The following DDX39B variants were observed in gnomAD, a reference collection of about 807,000 sequenced individuals.
DDX39B encodes the protein DExD-box helicase 39B, also known as spliceosome RNA helicase DDX39B.
Under a neutral mutation model 46.4 loss-of-function variants are expected in DDX39B, and 6 were observed. That is an observed-to-expected ratio of 0.13 (90% CI 0.07 to 0.26). DDX39B has a LOEUF of 0.26. Ranked by LOEUF, DDX39B falls within the 10% of genes least tolerant of loss-of-function variation. The pLI, the probability that DDX39B is intolerant of heterozygous loss-of-function variation, is 1.00. For synonymous variants in DDX39B, 174 were observed against 199.4 expected, an observed-to-expected ratio of 0.87 and a Z score of 1.07; for missense variants, 185 against 553.4, an observed-to-expected ratio of 0.33 and a Z score of 6.68.
chr6:31,539,283 T>TG lies in DDX39B; in HGVS notation c.212-10dup, dbSNP rs746273190. The TG allele has an allele frequency of 1.2e-4, 199 of 1,606,410 alleles. No individual in the cohort carries two copies. Among genetic ancestry groups the TG allele is most frequent in the South Asian group, 3.7e-4 (34 of 90,924 alleles). On this transcript the variant is annotated splice_polypyrimidine_tract_variant and intron_variant, in intron 2 of 10. Transcript: ENST00000396172. ...GATGCACTCATGCTGGACTAAAAGT[T>TG]GGGGGGGGAGGAAGATAAATTAGAC...
rs1177288621 is a variant in DDX39B, at chr6:31,530,879, A to G, written c.1170T>C (p.Phe390=). The G allele has an allele frequency of 6.2e-7, 1 of 1,614,174 alleles. No homozygotes were observed. The highest frequency in any genetic ancestry group is 1.1e-5 in the South Asian group (1 of 91,084). ...TCTTGGCATCATTCTCATCGGACAC[A>G]AATGTGATAGCCAAGCCCTTGGTGC... ...RFGTKGLAIT[F]VSDENDAKIL... is the part of the protein sequence containing the mutation. The change falls in exon 10 of 11, where the codon TTT becomes TTC. Residue 390 remains phenylalanine (F), a synonymous_variant. Coordinates refer to ENST00000396172, the MANE Select transcript of DDX39B (RefSeq NM_004640.7). The surrounding 1 kb of genome is among the most constrained non-coding windows in gnomAD (Gnocchi z 4.5).
rs1768292140 is a variant in DDX39B at position 31,540,552 on chromosome 6, G to A, written c.-20C>T. 3.1e-6 allele frequency: 5 copies of A among 1,613,126 alleles called. No homozygotes were observed. The highest frequency in any genetic ancestry group is 4.2e-6 in the Non-Finnish European group (5 of 1,179,544). ...TGCCATAACTGGGCCGGCAGGGGAAGAAGGGAAGGGGGATCTGGATGGGTT... is the reference window on the plus strand; with the variant it reads ...TGCCATAACTGGGCCGGCAGGGGAAAAAGGGAAGGGGGATCTGGATGGGTT... On this transcript the variant is annotated 5_prime_UTR_variant, in exon 2 of 11. Transcript: ENST00000396172.
Position 31,531,351 on chromosome 6 carries a change from C to G in DDX39B, c.922G>C (p.Val308Leu). The G allele has an allele frequency of 1.2e-6, 2 of 1,614,114 alleles. No homozygotes were observed. The highest frequency in any genetic ancestry group is 1.7e-6 in the Non-Finnish European group (2 of 1,180,004). ...GCAATGGCTGGGAAGTTCTGCTCCA[C>G]TAGTAGCTGGGCCAAGGCAATGCAC... The part of the protein sequence containing the change: ...QRCIALAQLL[V>L]EQNFPAIAIH... The change falls in exon 8 of 11, where the codon GTG becomes CTG. Residue 308 changes from valine to leucine, a missense_variant. Val to Leu is a conservative substitution (Grantham distance 32). Transcript: ENST00000396172. The surrounding 1 kb of genome is among the most constrained non-coding windows in gnomAD (Gnocchi z 5.8).
At position 31,535,921 on chromosome 6, in the gene DDX39B, T is replaced by C. The variant is rs929138; in HGVS notation, c.617-436A>G. Reference sequence around the variant, plus strand: ...CATCCCTACCTGGAGCCCACCTTTATAGCTCACCATATAGAATTGCCAAAG... The same window carrying C: ...CATCCCTACCTGGAGCCCACCTTTACAGCTCACCATATAGAATTGCCAAAG... On this transcript the variant is annotated intron_variant, in intron 5 of 10. Transcript: ENST00000396172. This position sits in a 1 kb window ranked among gnomAD's most constrained non-coding sequence, Gnocchi z 4.6. 0.22 allele frequency among the ~76,000 whole-genome samples: 32,773 copies of C among 152,198 alleles called. 3,868 individuals are homozygous for C. Among genetic ancestry groups the C allele is most frequent in the Admixed American group, 0.31 (4,711 of 15,272 alleles).
Position 31,536,573 on chromosome 6 carries a change from T to C in DDX39B, c.543A>G (p.Arg181=), listed in dbSNP as rs776938788. 10 of 1,613,100 alleles carry C rather than the reference T, an allele frequency of 6.2e-6. No individual in the cohort carries two copies. The highest frequency in any genetic ancestry group is 8.5e-6 in the Non-Finnish European group (10 of 1,180,028). Residue 181 remains arginine, a synonymous_variant, in exon 5 of 11, where the codon CGA becomes CGG. Coordinates refer to ENST00000396172, the MANE Select transcript of DDX39B (RefSeq NM_004640.7). ...GTPGRILALA[R]NKSLNLKHIK... The stretch of plus-strand genomic sequence containing the variant: ...TGTGTTTGAGGTTGAGGCTCTTATT[T>C]CGAGCCAGGGCTAGGATACGGCCTG...
Position 31,532,766 on chromosome 6 carries a change from G to A in DDX39B, c.867+14C>T, listed in dbSNP as rs755612989. Reference sequence around the variant, plus strand: ...TGCTCCAATGCTCATCCCCCTACTGGACGTCTAACTGACCTGGTTGAACTC... The same window carrying A: ...TGCTCCAATGCTCATCCCCCTACTGAACGTCTAACTGACCTGGTTGAACTC... On this transcript the variant is annotated intron_variant, in intron 7 of 10. Coordinates refer to ENST00000396172, the MANE Select transcript of DDX39B (RefSeq NM_004640.7). 3 of 1,609,960 alleles carry A rather than the reference G, an allele frequency of 1.9e-6. No homozygotes were observed. The highest frequency in any genetic ancestry group is 2.2e-5 in the South Asian group (2 of 90,948).
At chr6:31,532,738 G>A in intron 7 of DDX39B, 42 bp downstream of exon 7, 1 of 1,602,130 alleles carries the variant, frequency 6.2e-7, no homozygotes, top group Admixed American at 1.7e-5. Flanking sequence ...GCTACAGCTG[G>A]AGTGCTCCAA....
rs1388015834 is a variant in DDX39B, at chr6:31,539,284, G to C, written c.212-10C>G. ...ATGCACTCATGCTGGACTAAAAGTT[G>C]GGGGGGGAGGAAGATAAATTAGACT... On this transcript the variant is annotated splice_polypyrimidine_tract_variant and intron_variant, in intron 2 of 10. Transcript: ENST00000396172. 1.2e-6 allele frequency: 2 copies of C among 1,604,956 alleles called. No individual in the cohort carries two copies. Among genetic ancestry groups the C allele is most frequent in the Non-Finnish European group, 1.7e-6 (2 of 1,174,052 alleles).
At chr6:31,541,594 G>A (rs1768460408) in intron 1 of DDX39B, 4 of 471,624 alleles carry the variant, frequency 8.5e-6, no homozygotes, top group African/African-American at 4.0e-5. Flanking sequence ...GCTCAAGAAA[G>A]GACAAGGAAG....
At position 31,530,373 on chromosome 6, in the gene DDX39B, C is replaced by T; in HGVS notation, c.*61G>A. ...GGTGGGGGCAGTAGTGTCTCCTTCA[C>T]CCCCACCCTGGTGTCCTCTCCTGAA... On this transcript the variant is annotated 3_prime_UTR_variant, in exon 11 of 11. Transcript: ENST00000396172. This position sits in a 1 kb window ranked among gnomAD's most constrained non-coding sequence, Gnocchi z 4.5. 6.2e-7 allele frequency: 1 copy of T among 1,605,286 alleles called. No homozygotes were observed. The highest frequency in any genetic ancestry group is 1.7e-5 in the Admixed American group (1 of 59,706).
intron 1 of DDX39B, chr6:31,541,375 A>G (rs947304303): frequency 2.7e-5 from 10 of 372,726 alleles, no homozygotes; most frequent in Admixed American, 1.8e-4. Flanking sequence ...ATCCCCGCCC[A>G]GGCTTTAACA....
chr6:31,530,772 T>C lies in DDX39B; in HGVS notation c.1270+7A>G. The C allele has an allele frequency of 1.2e-6, 2 of 1,611,306 alleles. No homozygotes were observed. Among genetic ancestry groups the C allele is most frequent in the Non-Finnish European group, 1.7e-6 (2 of 1,179,952 alleles). ...GACCTAAAGGGTTTCATGAGATCAG[T>C]ACTCACTGTAGGAGGAGATGTCTAT... is the stretch of plus-strand genomic sequence containing the variant. On this transcript the variant is annotated splice_region_variant and intron_variant, in intron 10 of 10. Coordinates refer to ENST00000396172, the MANE Select transcript of DDX39B (RefSeq NM_004640.7). The surrounding 1 kb of genome is among the most constrained non-coding windows in gnomAD (Gnocchi z 4.5).
intron 4 of DDX39B, 61 bp from the exon 5 acceptor site, chr6:31,536,744 G>T: frequency 6.3e-7 from 1 of 1,576,550 alleles, no homozygotes; most frequent in Admixed American, 1.9e-5. Context: ...ATCCCCCCAG[G>T]GTTCCCACTC....
intron 1 of DDX39B, chr6:31,541,263 TG>T (rs990844997): frequency 3.8e-6 from 2 of 527,108 alleles, no homozygotes; most frequent in East Asian, 5.5e-5. Flanking sequence ...GTAATTAGCA[TG>T]GGGGGGAGGG....
intron 3 of DDX39B, 25 bp downstream of exon 3, chr6:31,539,121 CT>C: frequency 6.2e-7 from 1 of 1,613,248 alleles, no homozygotes; most frequent in Non-Finnish European, 8.5e-7. Flanking sequence ...CCAAAATCCC[CT>C]CCCCAGCACT....
chr6:31,532,766 G>C lies in DDX39B; in HGVS notation c.867+14C>G, dbSNP rs755612989. On this transcript the variant is annotated intron_variant, in intron 7 of 10. Transcript: ENST00000396172. ...TGCTCCAATGCTCATCCCCCTACTG[G>C]ACGTCTAACTGACCTGGTTGAACTC... 1.9e-6 allele frequency: 3 copies of C among 1,609,960 alleles called. No individual in the cohort carries two copies. Among genetic ancestry groups the C allele is most frequent in the Non-Finnish European group, 2.5e-6 (3 of 1,179,306 alleles).
intron 1 of DDX39B, chr6:31,541,058 C>G (rs766408941): frequency 9.5e-6 from 5 of 525,104 alleles, no homozygotes; most frequent in Non-Finnish European, 1.6e-5. Flanking sequence ...GAAGACTCCG[C>G]TTTCCCTATT....
chr6:31,537,264 A>G (rs1185809787), intron 4 of DDX39B, among the ~76,000 whole-genome samples: 1 of 152,090 alleles, frequency 6.6e-6, no homozygotes, highest in Non-Finnish European at 1.5e-5. Context: ...CATCTCTACT[A>G]AAATACAAAA....
intron 2 of DDX39B, among the ~76,000 whole-genome samples, chr6:31,539,966 T>C (rs1042043559): frequency 5.9e-5 from 7 of 119,044 alleles, no homozygotes; most frequent in East Asian, 2.6e-4. Context: ...CTATCCAAAA[T>C]TGTTTTTGAT....
Sources: gnomAD v4.1 joint callset for allele counts (sites outside exome capture counted in the v4.1 genomes callset) on GRCh38, gnomAD v4.1.1 for gene constraint, Gnocchi (gnomAD v3.1) non-coding constraint, MANE v1.5 for transcripts, NCBI Gene and HGNC (gene_info 2026-07-23, HGNC 2026-07-21) for gene names.